GPR161: variants seen among roughly 807,000 people sequenced by gnomAD.
The protein encoded by GPR161 is G protein-coupled receptor 161, also known as G-protein coupled receptor RE2.
A neutral mutation model predicts 39.2 loss-of-function variants in GPR161; 25 were observed. The observed-to-expected ratio is 0.64, with a 90% CI of 0.47 to 0.89. The LOEUF (loss-of-function observed/expected upper bound fraction) is 0.89, where lower values mean the gene tolerates loss of function less well. Among genes scored for constraint, GPR161 ranks in the 40% least tolerant of loss-of-function variants. The pLI is 0.00. For missense variants in GPR161, 547 were observed against 677.8 expected (o/e 0.81, Z 2.14); for synonymous variants, 286 against 276.6 (o/e 1.03, Z -0.34).
intron 1 of GPR161, among the ~76,000 whole-genome samples, chr1:168,122,438 C>G (rs1255929420): frequency 1.3e-5 from 2 of 152,148 alleles, no homozygotes; most frequent in African/African-American, 4.8e-5. Flanking sequence ...TTTCTCAAAA[C>G]AGCAACCACA....
chr1:168,128,855 C>T (rs1384272669), intron 1 of GPR161, among the ~76,000 whole-genome samples: 1 of 152,138 alleles, frequency 6.6e-6, no homozygotes, highest in Non-Finnish European at 1.5e-5. Flanking sequence ...CTGTCCCCTC[C>T]CTCCCTCACC....
chr1:168,111,862 A>C (rs1238332461), intron 1 of GPR161, among the ~76,000 whole-genome samples: 3 of 152,134 alleles, frequency 2.0e-5, no homozygotes, highest in African/African-American at 7.2e-5. Flanking sequence ...GCCTGTATCA[A>C]GACACATCAT....
Position 168,136,234 on chromosome 1 carries a change from C to A in GPR161, c.-45+505G>T, listed in dbSNP as rs187297370. ...GCTCGGGGAGACAGCGCCCTGAGTC[C>A]CGGCTGGGAGAAGGCTGCTCACCTG... On this transcript the variant is annotated intron_variant, in intron 1 of 5. Transcript: ENST00000682931. 1.0e-4 allele frequency: 136 copies of A among 1,308,322 alleles called. No individual in the cohort carries two copies. The Admixed American group carries it at 3.8e-3, about 37-fold the overall frequency. The allele number at this position is 1,308,322 out of a possible 1,614,324, so 81.0% of individuals were successfully genotyped here.
chr1:168,119,499 G>C (rs1344803649), intron 1 of GPR161, among the ~76,000 whole-genome samples: 1 of 151,838 alleles, frequency 6.6e-6, no homozygotes, highest in East Asian at 1.9e-4. Flanking sequence ...GCCAGGAGCT[G>C]GATGGAGGGC....
Position 168,092,578 on chromosome 1 carries a change from G to C in GPR161, c.1100-1910C>G, listed in dbSNP as rs182762668. Among the ~76,000 whole-genome samples the C allele has an allele frequency of 7.2e-5, 11 of 152,276 alleles. No individual in the cohort carries two copies. In the South Asian group the frequency reaches 2.1e-3, roughly 29 times the overall value. On this transcript the variant is annotated intron_variant, in intron 3 of 5. Transcript: ENST00000682931. ...GAAAAAAGCACAAAGGCACAGGCTC[G>C]GGGAATCAGGTTTGTGGCTCTCCAG...
intron 1 of GPR161, 120 bp downstream of exon 1, chr1:168,136,619 C>T: frequency 8.2e-7 from 1 of 1,225,766 alleles, no homozygotes. Flanking sequence ...GCCGTGGGGG[C>T]GGGGACCCTT....
chr1:168,092,646 A>G (rs1695172840), intron 3 of GPR161, among the ~76,000 whole-genome samples: 1 of 152,204 alleles, frequency 6.6e-6, no homozygotes, highest in Non-Finnish European at 1.5e-5. Context: ...GAGAAGCTGA[A>G]AGAACAGGGG....
At chr1:168,104,945 A>G (rs1016114747) in intron 1 of GPR161, 51 bp from the exon 2 acceptor site, 4 of 1,416,980 alleles carry the variant, frequency 2.8e-6, no homozygotes, top group South Asian at 1.3e-5. Flanking sequence ...ATCAAATCAC[A>G]TCGTCTCCAC....
chr1:168,124,899 C>T (rs988721861), intron 1 of GPR161, among the ~76,000 whole-genome samples: 1 of 152,188 alleles, frequency 6.6e-6, no homozygotes, highest in African/African-American at 2.4e-5. Flanking sequence ...GCCATGGGAG[C>T]CCTCACCAGA....
chr1:168,092,777 C>T (rs968895631), intron 3 of GPR161, among the ~76,000 whole-genome samples: 8 of 152,202 alleles, frequency 5.3e-5, no homozygotes, highest in South Asian at 4.1e-4. Context: ...TCACCCTCCC[C>T]GCCCTCAAGC....
intron 1 of GPR161, among the ~76,000 whole-genome samples, chr1:168,130,523 A>G (rs1029869566): frequency 2.0e-5 from 3 of 152,172 alleles, no homozygotes; most frequent in African/African-American, 7.2e-5. Context: ...CCAGAAGCCA[A>G]ATACACTCGA....
At chr1:168,134,225 C>T (rs541400999) in intron 1 of GPR161, among the ~76,000 whole-genome samples, 90 of 152,238 alleles carry the variant, frequency 5.9e-4, no homozygotes, top group Non-Finnish European at 1.2e-3. Context: ...TGAAATATAC[C>T]TCCTCATGCT....
In GPR161 at chr1:168,098,540, C is replaced by G. The variant is rs907325233; in HGVS notation, c.375-1308G>C. ...TCTGGCTATGTGCCTCACACATCGC[C>G]TGGGAAGGTGGCTCCTCCACAGGGA... On this transcript the variant is annotated intron_variant, in intron 2 of 5. Transcript: ENST00000682931. This position sits in a 1 kb window ranked among gnomAD's most constrained non-coding sequence, Gnocchi z 4.1. Among the ~76,000 whole-genome samples the G allele has an allele frequency of 2.0e-5, 3 of 152,234 alleles. No individual in the cohort carries two copies. Among genetic ancestry groups the G allele is most frequent in the Admixed American group, 1.3e-4 (2 of 15,294 alleles).
intron 1 of GPR161, among the ~76,000 whole-genome samples, chr1:168,120,625 C>T (rs1698088495): frequency 1.3e-5 from 2 of 152,130 alleles, no homozygotes; most frequent in African/African-American, 4.8e-5. Flanking sequence ...CCACCCAAAT[C>T]TCATCTCGAA....
intron 1 of GPR161, among the ~76,000 whole-genome samples, chr1:168,123,535 C>CAT (rs1395270106): frequency 9.4e-6 from 1 of 106,508 alleles, no homozygotes; most frequent in South Asian, 3.2e-4. Context: ...TATGCACATA[C>CAT]ATACACACAC....
At position 168,098,414 on chromosome 1, in the gene GPR161, C is replaced by T. The variant is rs902336420; in HGVS notation, c.375-1182G>A. ...AAGTCAACCACCACCCTCCCAACCC[C>T]GACATTTTATCCAAGGGAAATAGGA... On this transcript the variant is annotated intron_variant, in intron 2 of 5. Transcript: ENST00000682931. This position sits in a 1 kb window ranked among gnomAD's most constrained non-coding sequence, Gnocchi z 4.1. Among the ~76,000 whole-genome samples the T allele has an allele frequency of 9.8e-5, 15 of 152,318 alleles. No homozygotes were observed. The highest frequency in any genetic ancestry group is 3.1e-4 in the African/African-American group (13 of 41,570).
At chr1:168,111,775 A>ATTGAACAT (rs1221797933) in intron 1 of GPR161, among the ~76,000 whole-genome samples, 6 of 152,236 alleles carry the variant, frequency 3.9e-5, no homozygotes, top group African/African-American at 1.4e-4. Context: ...TAGAGGTATG[A>ATTGAACAT]TTGAACATTT....
At chr1:168,095,269 GA>G (rs1343809730) in intron 3 of GPR161, among the ~76,000 whole-genome samples, 2 of 152,222 alleles carry the variant, frequency 1.3e-5, no homozygotes, top group Non-Finnish European at 2.9e-5. Context: ...ATGGGATCCT[GA>G]GCTGGATCTT....
intron 1 of GPR161, among the ~76,000 whole-genome samples, chr1:168,131,136 A>G (rs1698957257): frequency 6.6e-6 from 1 of 151,910 alleles, no homozygotes. Context: ...CACTGCCACT[A>G]CCCCAGCTCA....
Sources: gnomAD v4.1 joint callset for allele counts (sites outside exome capture counted in the v4.1 genomes callset) on GRCh38, gnomAD v4.1.1 for gene constraint, Gnocchi (gnomAD v3.1) non-coding constraint, MANE v1.5 for transcripts, NCBI Gene and HGNC (gene_info 2026-07-23, HGNC 2026-07-21) for gene names.